PTPRN2: variants seen among roughly 807,000 people sequenced by gnomAD.
The protein encoded by PTPRN2 is protein tyrosine phosphatase receptor type N2.
PTPRN2 carries 74 observed loss-of-function variants against 118.8 expected under a neutral mutation model. That is an observed-to-expected ratio of 0.62 (90% CI 0.52 to 0.76). PTPRN2 has a LOEUF of 0.76. PTPRN2 is among the 30% of genes least tolerant of loss of function. The pLI, the probability that PTPRN2 is intolerant of heterozygous loss-of-function variation, is 0.00. For missense variants in PTPRN2, 1,481 were observed against 1,394.4 expected, an observed-to-expected ratio of 1.06 and a Z score of -0.99; for synonymous variants, 641 against 608.0, an observed-to-expected ratio of 1.05 and a Z score of -0.80.
chr7:158,219,910 G>A (rs74747742), intron 3 of PTPRN2, among the ~76,000 whole-genome samples: 5,335 of 150,604 alleles, frequency 0.035, 328 homozygotes, highest in African/African-American at 0.12. Context: ...AAAAAAGCCC[G>A]GAACCAGACA....
At chr7:158,304,410 C>G (rs1801125111) in intron 3 of PTPRN2, among the ~76,000 whole-genome samples, 1 of 151,544 alleles carries the variant, frequency 6.6e-6, no homozygotes, top group African/African-American at 2.4e-5. Flanking sequence ...CTAAGACGTA[C>G]ACAGGCTTGG....
At chr7:158,328,574 A>T (rs1268055469) in intron 2 of PTPRN2, among the ~76,000 whole-genome samples, 2 of 152,156 alleles carry the variant, frequency 1.3e-5, no homozygotes, top group Non-Finnish European at 2.9e-5. Flanking sequence ...ACCTGCACCC[A>T]CAGCGGGAGC....
At chr7:157,708,722 C>T (rs766116982) in intron 12 of PTPRN2, among the ~76,000 whole-genome samples, 11 of 152,142 alleles carry the variant, frequency 7.2e-5, no homozygotes, top group South Asian at 2.1e-4. Context: ...AAAACGCAGC[C>T]GTGACGGCAC....
At chr7:158,198,244 T>G (rs1432614488) in intron 4 of PTPRN2, among the ~76,000 whole-genome samples, 1 of 152,222 alleles carries the variant, frequency 6.6e-6, no homozygotes, top group African/African-American at 2.4e-5. Context: ...TGCAGTATGT[T>G]ACGGCAATGA....
chr7:157,771,748 CAGA>C (rs1408010720), intron 12 of PTPRN2, among the ~76,000 whole-genome samples: 3 of 151,246 alleles, frequency 2.0e-5, no homozygotes, highest in Non-Finnish European at 2.9e-5. Flanking sequence ...GACGCAGATA[CAGA>C]CACAAACAGA....
chr7:158,521,607 CCAGGTAG>C, intron 1 of PTPRN2, among the ~76,000 whole-genome samples: 1 of 127,312 alleles, frequency 7.9e-6, no homozygotes, highest in Middle Eastern at 4.1e-3. Context: ...GGTGGACTGT[CCAGGTAG>C]TGGCTCAGGA....
In PTPRN2 at chr7:157,629,342, T is replaced by A. The variant is rs1269445494; in HGVS notation, c.2197-7833A>T. 6.6e-6 allele frequency among the ~76,000 whole-genome samples: 1 copy of A among 152,168 alleles called. No homozygotes were observed. The highest frequency in any genetic ancestry group is 2.4e-5 in the African/African-American group (1 of 41,422). On this transcript the variant is annotated intron_variant, in intron 14 of 22. Coordinates refer to ENST00000389418, the MANE Select transcript of PTPRN2 (RefSeq NM_002847.5). The surrounding 1 kb of genome is among the most constrained non-coding windows in gnomAD (Gnocchi z 4.4). ...TCACAGAAATTAGGTTATTTTGGCATCTATCTGTTGGCTGTAACAATGAAG... is the reference window on the plus strand; with the variant it reads ...TCACAGAAATTAGGTTATTTTGGCAACTATCTGTTGGCTGTAACAATGAAG...
chr7:157,977,389 G>A lies in PTPRN2; in HGVS notation c.1724-78652C>T, dbSNP rs969836915. ...CTCTGGAGTGACAGGGGTGGGAGGGGTTTATCAGAGATCTGGGAGCCAGGA... is the reference window on the plus strand; with the variant it reads ...CTCTGGAGTGACAGGGGTGGGAGGGATTTATCAGAGATCTGGGAGCCAGGA... On this transcript the variant is annotated intron_variant, in intron 11 of 22. Coordinates refer to ENST00000389418, the MANE Select transcript of PTPRN2 (RefSeq NM_002847.5). The surrounding 1 kb of genome is among the most constrained non-coding windows in gnomAD (Gnocchi z 4.6). Among the ~76,000 whole-genome samples, 3 of 151,828 alleles carry A rather than the reference G, an allele frequency of 2.0e-5. No individual in the cohort carries two copies. Among genetic ancestry groups the A allele is most frequent in the Non-Finnish European group, 2.9e-5 (2 of 67,918 alleles).
intron 12 of PTPRN2, among the ~76,000 whole-genome samples, chr7:157,896,569 G>A (rs761122256): frequency 6.6e-5 from 10 of 151,752 alleles, no homozygotes; most frequent in South Asian, 2.1e-4. Flanking sequence ...CCATGCTCAC[G>A]TGTGCGTGGG....
intron 6 of PTPRN2, among the ~76,000 whole-genome samples, chr7:158,155,625 TCAC>T (rs1213436650): frequency 1.6e-4 from 23 of 140,378 alleles, no homozygotes; most frequent in South Asian, 2.3e-4. Flanking sequence ...AACACTATCA[TCAC>T]CATCATCACC....
intron 6 of PTPRN2, among the ~76,000 whole-genome samples, chr7:158,139,500 T>G (rs11971466): frequency 6.6e-5 from 10 of 151,952 alleles, no homozygotes; most frequent in African/African-American, 2.2e-4. Context: ...CACGGGGGGG[T>G]GGGAAAGGAA....
intron 6 of PTPRN2, among the ~76,000 whole-genome samples, chr7:158,150,936 G>C (rs1820962120): frequency 6.6e-6 from 1 of 151,818 alleles, no homozygotes. Flanking sequence ...CCGAGAAGCT[G>C]GGAAATATTA....
In PTPRN2 at chr7:157,754,408, G is replaced by A. The variant is rs562074668; in HGVS notation, c.1789-71471C>T. Among the ~76,000 whole-genome samples, 69 of 152,352 alleles carry A rather than the reference G, an allele frequency of 4.5e-4. 1 individual carries two copies. In the South Asian group the frequency reaches 0.012, roughly 27 times the overall value. Reference sequence around the variant, plus strand: ...CACTCGGCTTCCACCAAACAGGGTGGTCCAAGCACTGAGTTCTAGAAAGAA... The same window carrying A: ...CACTCGGCTTCCACCAAACAGGGTGATCCAAGCACTGAGTTCTAGAAAGAA... On this transcript the variant is annotated intron_variant, in intron 12 of 22. Coordinates refer to ENST00000389418, the MANE Select transcript of PTPRN2 (RefSeq NM_002847.5).
At chr7:158,151,901 C>G (rs757014717) in intron 6 of PTPRN2, among the ~76,000 whole-genome samples, 1 of 152,066 alleles carries the variant, frequency 6.6e-6, no homozygotes, top group Non-Finnish European at 1.5e-5. Context: ...CGGCCGGGCG[C>G]GGTGGCTCAC....
chr7:158,209,433 C>T (rs930643784), intron 3 of PTPRN2, among the ~76,000 whole-genome samples: 1 of 151,978 alleles, frequency 6.6e-6, no homozygotes, highest in African/African-American at 2.4e-5. Flanking sequence ...GATTTCAAGA[C>T]AAAACTAGCA....
chr7:158,268,156 C>T (rs1586051725), intron 3 of PTPRN2, among the ~76,000 whole-genome samples: 1 of 152,216 alleles, frequency 6.6e-6, no homozygotes, highest in East Asian at 1.9e-4. Flanking sequence ...ATTAGAGAGC[C>T]CCTAAGTGAA....
intron 11 of PTPRN2, among the ~76,000 whole-genome samples, chr7:157,921,455 C>T (rs964545978): frequency 3.3e-5 from 5 of 152,196 alleles, no homozygotes; most frequent in African/African-American, 1.2e-4. Flanking sequence ...CCTGCTGTGG[C>T]TCAAATATGG....
intron 11 of PTPRN2, among the ~76,000 whole-genome samples, chr7:158,069,932 A>C (rs1334664317): frequency 6.6e-6 from 1 of 152,258 alleles, no homozygotes; most frequent in Non-Finnish European, 1.5e-5. Context: ...CAGAGAAGGC[A>C]CCCTGAGGTT....
At chr7:158,104,959 C>A (rs1419898084) in intron 10 of PTPRN2, among the ~76,000 whole-genome samples, 2 of 147,638 alleles carry the variant, frequency 1.4e-5, no homozygotes, top group Non-Finnish European at 1.5e-5. Flanking sequence ...CCACCCTTAT[C>A]CAAACTCCAT....
Sources: gnomAD v4.1 joint callset for allele counts (sites outside exome capture counted in the v4.1 genomes callset) on GRCh38, gnomAD v4.1.1 for gene constraint, Gnocchi (gnomAD v3.1) non-coding constraint, MANE v1.5 for transcripts, NCBI Gene and HGNC (gene_info 2026-07-23, HGNC 2026-07-21) for gene names.